ARRB1: variants seen among roughly 807,000 people sequenced by gnomAD.
The protein encoded by ARRB1 is arrestin beta 1.
A neutral mutation model predicts 56.8 loss-of-function variants in ARRB1; 21 were observed. The ratio of observed to expected loss-of-function variants is 0.37; its 90% CI spans 0.26 to 0.53. The LOEUF (loss-of-function observed/expected upper bound fraction) is 0.53, where lower values mean the gene tolerates loss of function less well. ARRB1 is among the 20% of genes least tolerant of loss of function. The pLI is 0.88. For synonymous variants in ARRB1, 210 were observed against 218.6 expected, an observed-to-expected ratio of 0.96 and a Z score of 0.35; for missense variants, 424 against 553.7, an observed-to-expected ratio of 0.77 and a Z score of 2.35.
intron 12 of ARRB1, 23 bp downstream of exon 12, chr11:75,272,871 CT>C (rs747854095): frequency 6.2e-7 from 1 of 1,613,484 alleles, no homozygotes; most frequent in Admixed American, 1.7e-5. Flanking sequence ...ACTCCGGGGT[CT>C]TGGGCTTGGC....
chr11:75,311,578 TC>T (rs1174545137), intron 1 of ARRB1, among the ~76,000 whole-genome samples: 3 of 152,192 alleles, frequency 2.0e-5, no homozygotes, highest in Non-Finnish European at 4.4e-5. Flanking sequence ...ATTTCAAAAA[TC>T]AGTTCAAAAT....
intron 1 of ARRB1, among the ~76,000 whole-genome samples, chr11:75,290,797 G>A (rs1199206231): frequency 6.6e-6 from 1 of 151,916 alleles, no homozygotes; most frequent in East Asian, 1.9e-4. Context: ...TTAGAAATGG[G>A]GTTTCACCAA....
At chr11:75,290,520 C>T (rs997805052) in intron 1 of ARRB1, among the ~76,000 whole-genome samples, 1 of 151,468 alleles carries the variant, frequency 6.6e-6, no homozygotes, top group African/African-American at 2.4e-5. Flanking sequence ...ATGCTCAGCC[C>T]CACTGTGCCT....
At chr11:75,291,005 A>T (rs1426223470) in intron 1 of ARRB1, among the ~76,000 whole-genome samples, 1 of 152,162 alleles carries the variant, frequency 6.6e-6, no homozygotes, top group Non-Finnish European at 1.5e-5. Context: ...TGTCTCTCTT[A>T]TCCACAGATG....
At chr11:75,324,292 G>A (rs1225028527) in intron 1 of ARRB1, among the ~76,000 whole-genome samples, 1 of 152,230 alleles carries the variant, frequency 6.6e-6, no homozygotes, top group Non-Finnish European at 1.5e-5. Context: ...AGGGATTCTT[G>A]CCTGCTTCCT....
At chr11:75,341,428 A>G (rs754126675) in intron 1 of ARRB1, among the ~76,000 whole-genome samples, 22 of 152,116 alleles carry the variant, frequency 1.4e-4, no homozygotes, top group Admixed American at 7.2e-4. Context: ...GTCAGCCACC[A>G]TGCCTGGCCG....
intron 1 of ARRB1, among the ~76,000 whole-genome samples, chr11:75,314,767 C>T (rs1365217759): frequency 6.6e-6 from 1 of 151,118 alleles, no homozygotes; most frequent in Non-Finnish European, 1.5e-5. Context: ...CCACCACACC[C>T]AGCTCATTTT....
At chr11:75,351,426 C>G (rs1172675093) in intron 1 of ARRB1, among the ~76,000 whole-genome samples, 162 bp downstream of exon 1, 1 of 152,202 alleles carries the variant, frequency 6.6e-6, no homozygotes, top group Non-Finnish European at 1.5e-5. Context: ...CGCCCACGGC[C>G]CTGCCGGGGA....
At chr11:75,332,015 G>A (rs1423708078) in intron 1 of ARRB1, among the ~76,000 whole-genome samples, 2 of 151,506 alleles carry the variant, frequency 1.3e-5, no homozygotes, top group East Asian at 2.0e-4. Context: ...ATAAGTCTCC[G>A]GAGCTCCCCA....
intron 5 of ARRB1, 39 bp from the exon 6 acceptor site, chr11:75,282,060 C>G: frequency 6.2e-7 from 1 of 1,605,908 alleles, no homozygotes; most frequent in South Asian, 1.1e-5. Flanking sequence ...CTGTCACATC[C>G]ACCACTGTCC....
intron 1 of ARRB1, among the ~76,000 whole-genome samples, chr11:75,349,602 A>G (rs1778451539): frequency 1.3e-5 from 2 of 152,322 alleles, no homozygotes; most frequent in African/African-American, 2.4e-5. Context: ...AAGGCAGCCT[A>G]GGAAGGACAA....
At position 75,286,255 on chromosome 11, in the gene ARRB1, C is replaced by CTTTTTTTTT. The variant is rs60988072; in HGVS notation, c.112+1051_112+1059dup. 2.3e-4 allele frequency among the ~76,000 whole-genome samples: 9 copies of CTTTTTTTTT among 38,678 alleles called. 2 individuals carry two copies. The highest frequency in any genetic ancestry group is 9.7e-4 in the African/African-American group (9 of 9,246). 25.4% of individuals were successfully genotyped at this position (38,678 alleles called of 152,430 possible). A position where few individuals can be genotyped will look rare whatever the true frequency, so the allele number is the denominator to read the frequency against. Reference sequence around the variant, plus strand: ...CTAGGCCTCACTTTGATTTGCTCATCTTTTTTTTTTTTTTTTTTTTTTTTT... The same window carrying CTTTTTTTTT: ...CTAGGCCTCACTTTGATTTGCTCATCTTTTTTTTTTTTTTTTTTTTTTTTTTTTTTTTTT... On this transcript the variant is annotated intron_variant, in intron 3 of 15. Transcript: ENST00000420843.
intron 8 of ARRB1, 95 bp from the exon 9 acceptor site, chr11:75,277,543 T>G: frequency 2.6e-6 from 3 of 1,135,758 alleles, no homozygotes; most frequent in Non-Finnish European, 4.0e-6. Flanking sequence ...CTTCTGGGGT[T>G]CCCCAGACCT....
chr11:75,313,396 G>C (rs1294419274), intron 1 of ARRB1, among the ~76,000 whole-genome samples: 1 of 152,106 alleles, frequency 6.6e-6, no homozygotes, highest in East Asian at 1.9e-4. Flanking sequence ...GGTCCTTCGG[G>C]AATCTCTATG....
chr11:75,260,297 G>A lies in ARRB1; in HGVS notation c.*5866C>T, dbSNP rs1452098450. ...GTCACAAAATAATCACTCAACACAA[G>A]GGCCACAGACCTGGAGATTCTTCCC... On this transcript the variant is annotated 3_prime_UTR_variant, in exon 16 of 16. Coordinates refer to ENST00000420843, the MANE Select transcript of ARRB1 (RefSeq NM_004041.5). 5 of 152,172 alleles carry A rather than the reference G, an allele frequency of 3.3e-5. No homozygotes were observed. Among genetic ancestry groups the A allele is most frequent in the African/African-American group, 1.2e-4 (5 of 41,430 alleles). 9.4% of individuals were successfully genotyped at this position (152,172 alleles called of 1,614,324 possible). A position where few individuals can be genotyped will look rare whatever the true frequency, so the allele number is the denominator to read the frequency against.
chr11:75,306,834 C>A, intron 1 of ARRB1: 1 of 404,178 alleles, frequency 2.5e-6, no homozygotes, highest in Non-Finnish European at 4.4e-6. Context: ...TGGCAGCACT[C>A]TGCCTGTACA....
chr11:75,346,066 C>T (rs1441007309), intron 1 of ARRB1, among the ~76,000 whole-genome samples: 1 of 152,136 alleles, frequency 6.6e-6, no homozygotes, highest in African/African-American at 2.4e-5. Flanking sequence ...CCAAGACCTG[C>T]TGGCCAAGGC....
In ARRB1 at chr11:75,267,641, G is replaced by A. The variant is rs1275219894; in HGVS notation, c.1145+11C>T. The A allele has an allele frequency of 2.0e-6, 3 of 1,486,676 alleles. No homozygotes were observed. In the East Asian group the frequency reaches 8.8e-5, roughly 44 times the overall value. 92.1% of individuals were successfully genotyped at this position (1,486,676 alleles called of 1,614,324 possible). ...CCACCCCCGGATGTCTGCAGGCAGG[G>A]TTCAGCTTACTTTGTGTCAAGTTCT... is the stretch of plus-strand genomic sequence containing the variant. On this transcript the variant is annotated intron_variant, in intron 15 of 15. Coordinates refer to ENST00000420843, the MANE Select transcript of ARRB1 (RefSeq NM_004041.5).
At chr11:75,269,632 G>A (rs907850674) in intron 13 of ARRB1, among the ~76,000 whole-genome samples, 2 of 152,234 alleles carry the variant, frequency 1.3e-5, no homozygotes, top group African/African-American at 2.4e-5. Flanking sequence ...ATAAGAGAAG[G>A]TATTCACATG....
Sources: gnomAD v4.1 joint callset for allele counts (sites outside exome capture counted in the v4.1 genomes callset) on GRCh38, gnomAD v4.1.1 for gene constraint, MANE v1.5 for transcripts, NCBI Gene and HGNC (gene_info 2026-07-23, HGNC 2026-07-21) for gene names.